TRPS1: variants seen among roughly 807,000 people sequenced by gnomAD.
The protein encoded by TRPS1 is zinc finger transcription factor Trps1.
Under a neutral mutation model 101.2 loss-of-function variants are expected in TRPS1, and 6 were observed. That is an observed-to-expected ratio of 0.06 (90% CI 0.03 to 0.12). TRPS1 has a LOEUF of 0.12. Ranked by LOEUF, TRPS1 falls within the 10% of genes least tolerant of loss-of-function variation. The probability of loss-of-function intolerance (pLI) is 1.00; values close to 1 mark genes in which losing one functional copy is unlikely to be tolerated. For missense variants in TRPS1, 1,363 were observed against 1,567.0 expected, an observed-to-expected ratio of 0.87 and a Z score of 2.20; for synonymous variants, 578 against 589.8, an observed-to-expected ratio of 0.98 and a Z score of 0.29.
At chr8:115,618,989 G>A in intron 3 of TRPS1, 143 bp downstream of exon 3, 1 of 797,796 alleles carries the variant, frequency 1.3e-6, no homozygotes, top group Non-Finnish European at 2.0e-6. Context: ...GTATGAAGTA[G>A]CTATGGAGTG....
chr8:115,496,102 T>C (rs1815143028), intron 5 of TRPS1, among the ~76,000 whole-genome samples: 2 of 152,136 alleles, frequency 1.3e-5, no homozygotes, highest in South Asian at 4.1e-4. Flanking sequence ...AACTACAACA[T>C]GTCAAATCCT....
chr8:115,622,660 TTTC>T (rs1283299554), intron 2 of TRPS1, among the ~76,000 whole-genome samples: 1 of 152,184 alleles, frequency 6.6e-6, no homozygotes, highest in African/African-American at 2.4e-5. Flanking sequence ...ATTTTAACAG[TTTC>T]TTCTTAAGAT....
At chr8:115,590,130 C>T (rs552704248) in intron 4 of TRPS1, among the ~76,000 whole-genome samples, 2 of 151,974 alleles carry the variant, frequency 1.3e-5, no homozygotes, top group African/African-American at 4.8e-5. Flanking sequence ...CAAAACAAAA[C>T]AACAACAACA....
chr8:115,558,638 T>C (rs1453688132), intron 5 of TRPS1, among the ~76,000 whole-genome samples: 4 of 152,204 alleles, frequency 2.6e-5, no homozygotes, highest in Non-Finnish European at 5.9e-5. Flanking sequence ...GGCCTGTACT[T>C]AATCACTGCT....
At chr8:115,427,263 C>A (rs1198774077) in intron 5 of TRPS1, among the ~76,000 whole-genome samples, 3 of 151,790 alleles carry the variant, frequency 2.0e-5, no homozygotes, top group South Asian at 2.1e-4. Context: ...GGCAACAGAG[C>A]GAGACACTGT....
chr8:115,620,123 A>G, intron 2 of TRPS1, 63 bp from the exon 3 acceptor site: 1 of 1,524,712 alleles, frequency 6.6e-7, no homozygotes, highest in Non-Finnish European at 9.0e-7. Context: ...ATACAGTTGA[A>G]TCTGGAATAT....
chr8:115,627,479 CA>C (rs1265864849), intron 1 of TRPS1, among the ~76,000 whole-genome samples: 3 of 151,718 alleles, frequency 2.0e-5, no homozygotes, highest in Non-Finnish European at 4.4e-5. Context: ...GGCAAAGAGC[CA>C]AGCACAGCAC....
At chr8:115,665,636 C>T (rs1286924487) in intron 1 of TRPS1, among the ~76,000 whole-genome samples, 2 of 152,196 alleles carry the variant, frequency 1.3e-5, no homozygotes, top group Middle Eastern at 3.4e-3. Context: ...TTTTCAAACA[C>T]GTATGCAGAA....
At position 115,604,347 on chromosome 8, in the gene TRPS1, C is replaced by G; in HGVS notation, c.1622G>C (p.Cys541Ser). 1 of 1,614,048 alleles carries G rather than the reference C, an allele frequency of 6.2e-7. No individual in the cohort carries two copies. Among genetic ancestry groups the G allele is most frequent in the Non-Finnish European group, 8.5e-7 (1 of 1,179,992 alleles). ...ATGGCTTTTGGAATATCGGAAGTCACAGAACTGACAATTATAGCTCGTTAC... is the reference window on the plus strand; with the variant it reads ...ATGGCTTTTGGAATATCGGAAGTCAGAGAACTGACAATTATAGCTCGTTAC... ...NMVTSYNCQF[C>S]DFRYSKSHGP... The change falls in exon 4 of 7, where the codon TGT (cysteine) becomes TCT (serine). Residue 541 changes from cysteine to serine, a missense_variant. By Grantham distance (112) the Cys-to-Ser change is moderately radical. Around this residue, in one of 5 missense-constraint regions of TRPS1, gnomAD observed 1,020 missense variants for 1,073.0 expected, o/e 0.95. Transcript: ENST00000395715. The surrounding 1 kb of genome is among the most constrained non-coding windows in gnomAD (Gnocchi z 4.1).
intron 5 of TRPS1, among the ~76,000 whole-genome samples, chr8:115,478,078 C>T (rs1814650028): frequency 6.6e-6 from 1 of 152,058 alleles, no homozygotes; most frequent in Non-Finnish European, 1.5e-5. Context: ...ACAAGTGGTC[C>T]TGATAGATTT....
At chr8:115,646,997 A>G (rs1194136344) in intron 1 of TRPS1, among the ~76,000 whole-genome samples, 1 of 143,612 alleles carries the variant, frequency 7.0e-6, no homozygotes, top group Non-Finnish European at 1.6e-5. Context: ...AAACTTCCTT[A>G]TGTTGTTTTT....
chr8:115,524,762 C>T (rs1815953855), intron 5 of TRPS1, among the ~76,000 whole-genome samples: 1 of 151,944 alleles, frequency 6.6e-6, no homozygotes, highest in African/African-American at 2.4e-5. Flanking sequence ...AATGGAGCTT[C>T]TTTGAAAAAA....
rs542164854 is a variant in TRPS1 at position 115,507,475 on chromosome 8, C to T, written c.2700+79526G>A. Among the ~76,000 whole-genome samples the T allele has an allele frequency of 2.0e-5, 3 of 152,006 alleles. No homozygotes were observed. In the East Asian group the frequency reaches 5.8e-4, roughly 30 times the overall value. On this transcript the variant is annotated intron_variant, in intron 5 of 6. Transcript: ENST00000395715. ...GATTCTGGTCATTATATGGGCTGAT[C>T]TCATTTTCACACATGGAATCAATAT...
chr8:115,655,573 T>C (rs1186271277), intron 1 of TRPS1, among the ~76,000 whole-genome samples: 1 of 152,188 alleles, frequency 6.6e-6, no homozygotes, highest in Non-Finnish European at 1.5e-5. Flanking sequence ...TAATGTAACC[T>C]AATGAAATAA....
rs373410728 is a variant in TRPS1 at position 115,587,241 on chromosome 8, G to T, written c.2460C>A (p.Thr820=). 1.2e-6 allele frequency: 2 copies of T among 1,614,186 alleles called. No individual in the cohort carries two copies. The highest frequency in any genetic ancestry group is 2.2e-5 in the South Asian group (2 of 91,086). ...GCGTCAGCAGCCCCAGGCTTGCTTG[G>T]GTGTATGACGGACTCCCCCGCAGGA... is the stretch of plus-strand genomic sequence containing the variant. The part of the protein sequence containing the change: ...ADILRGSPSY[T]QASLGLLTPV... Residue 820 remains threonine, a synonymous_variant, in exon 5 of 7, where the codon ACC becomes ACA. Coordinates refer to ENST00000395715, the MANE Select transcript of TRPS1 (RefSeq NM_014112.5).
intron 5 of TRPS1, among the ~76,000 whole-genome samples, chr8:115,476,799 T>C (rs1814617967): frequency 6.6e-6 from 1 of 152,162 alleles, no homozygotes; most frequent in African/African-American, 2.4e-5. Context: ...ACCATAAAAA[T>C]ATTCAGAGCC....
At chr8:115,527,781 C>G (rs1186804133) in intron 5 of TRPS1, among the ~76,000 whole-genome samples, 1 of 152,038 alleles carries the variant, frequency 6.6e-6, no homozygotes, top group African/African-American at 2.4e-5. Context: ...TAAAAAGAAG[C>G]CATTCTGGTA....
rs372986533 is a variant in TRPS1, at chr8:115,570,378, A to C, written c.2700+16623T>G. ...CACAGGCGGTACGGCAGTCTCATAC[A>C]GCAAATAAAATATGGTTTTCCAAAT... On this transcript the variant is annotated intron_variant, in intron 5 of 6. Coordinates refer to ENST00000395715, the MANE Select transcript of TRPS1 (RefSeq NM_014112.5). Among the ~76,000 whole-genome samples, 4 of 152,124 alleles carry C rather than the reference A, an allele frequency of 2.6e-5. No homozygotes were observed. The East Asian group carries it at 5.8e-4, about 22-fold the overall frequency.
At chr8:115,668,430 C>T (rs1481315774) in intron 1 of TRPS1, 115 bp downstream of exon 1, 1 of 143,374 alleles carries the variant, frequency 7.0e-6, no homozygotes, top group African/African-American at 2.5e-5. Context: ...TGCGCGCACA[C>T]GAGCGGGCGC....
Sources: gnomAD v4.1 joint callset for allele counts (sites outside exome capture counted in the v4.1 genomes callset) on GRCh38, gnomAD v4.1.1 for gene constraint, gnomAD v4.1.1 regional missense constraint, Gnocchi (gnomAD v3.1) non-coding constraint, MANE v1.5 for transcripts, NCBI Gene and HGNC (gene_info 2026-07-23, HGNC 2026-07-21) for gene names.